PCDHGB2: variants seen among roughly 807,000 people sequenced by gnomAD.
PCDHGB2 encodes protocadherin gamma subfamily B, 2.
In PCDHGB2, 55 loss-of-function variants were observed where a neutral mutation model predicts 59.3. The ratio of observed to expected loss-of-function variants is 0.93; its 90% CI spans 0.75 to 1.16. The LOEUF is 1.16. PCDHGB2 is among the 50% of genes most tolerant of loss of function. PCDHGB2 has a pLI of 0.00. For synonymous variants in PCDHGB2, 516 were observed against 512.0 expected (o/e 1.01, Z -0.11); for missense variants, 1,228 against 1,198.5 (o/e 1.02, Z -0.36).
Position 141,477,286 on chromosome 5 carries a change from A to G in PCDHGB2, c.2422-17521A>G, listed in dbSNP as rs1367207950. 1.9e-6 allele frequency: 3 copies of G among 1,614,194 alleles called. No individual in the cohort carries two copies. Among genetic ancestry groups the G allele is most frequent in the Non-Finnish European group, 8.5e-7 (1 of 1,180,034 alleles). ...GCGAGAACGGGCTGGTGACCTGCGA[A>G]GTTCCACCGGGTCTCCCTTTCAGCC... On this transcript the variant is annotated intron_variant, in intron 1 of 3. Coordinates refer to ENST00000522605, the MANE Select transcript of PCDHGB2 (RefSeq NM_018923.3). The surrounding 1 kb of genome is among the most constrained non-coding windows in gnomAD (Gnocchi z 4.9).
intron 2 of PCDHGB2, among the ~76,000 whole-genome samples, chr5:141,505,007 C>T (rs1210694913): frequency 6.6e-6 from 1 of 152,050 alleles, no homozygotes; most frequent in Non-Finnish European, 1.5e-5. Flanking sequence ...ACTAAAAATA[C>T]AAAAATTAGC....
intron 1 of PCDHGB2, chr5:141,427,761 G>A (rs1228905550): frequency 3.7e-6 from 5 of 1,366,246 alleles, no homozygotes; most frequent in Non-Finnish European, 4.1e-6. Flanking sequence ...CGTTACCACT[G>A]ACTTGGAGCT....
At chr5:141,454,249 C>T (rs1215688507) in intron 1 of PCDHGB2, among the ~76,000 whole-genome samples, 3 of 152,192 alleles carry the variant, frequency 2.0e-5, no homozygotes, top group Non-Finnish European at 4.4e-5. Context: ...ATGAAGATGT[C>T]CCAGAGAAAG....
chr5:141,410,104 C>T, intron 1 of PCDHGB2: 1 of 1,612,582 alleles, frequency 6.2e-7, no homozygotes, highest in African/African-American at 1.3e-5. Context: ...CCTTAGGCGA[C>T]AGGGACGCAG....
At chr5:141,463,692 C>A (rs1482988660) in intron 1 of PCDHGB2, among the ~76,000 whole-genome samples, 2 of 151,934 alleles carry the variant, frequency 1.3e-5, no homozygotes, top group Non-Finnish European at 2.9e-5. Flanking sequence ...GTGATCTGCT[C>A]ACCTCGGCCT....
chr5:141,473,148 C>T (rs1381616255), intron 1 of PCDHGB2, among the ~76,000 whole-genome samples: 1 of 152,184 alleles, frequency 6.6e-6, no homozygotes, highest in Non-Finnish European at 1.5e-5. Flanking sequence ...CTCTTCAGAT[C>T]ACTAGGGCTA....
chr5:141,427,798 T>A, intron 1 of PCDHGB2: 1 of 1,506,550 alleles, frequency 6.6e-7, no homozygotes. Context: ...TACGTGTCCG[T>A]GAGCGCACAG....
intron 1 of PCDHGB2, chr5:141,395,463 C>G (rs1164636639): frequency 6.9e-6 from 4 of 582,400 alleles, no homozygotes; most frequent in African/African-American, 5.7e-5. Flanking sequence ...CCATTTTAAG[C>G]CTTCCAGTAT....
At chr5:141,412,100 C>G (rs1041242156) in intron 1 of PCDHGB2, 2 of 152,180 alleles carry the variant, frequency 1.3e-5, no homozygotes, top group Non-Finnish European at 2.9e-5. Context: ...TGGGCACACA[C>G]AGTTGAAGAT....
rs143779180 is a variant in PCDHGB2, at chr5:141,485,438, C to T, written c.2422-9369C>T. Reference sequence around the variant, plus strand: ...CAGCGGAGCCCTGCTCATCAAGAACCCAATCGACCGAGAGGCACTGTGTGG... The same window carrying T: ...CAGCGGAGCCCTGCTCATCAAGAACTCAATCGACCGAGAGGCACTGTGTGG... On this transcript the variant is annotated intron_variant, in intron 1 of 3. Transcript: ENST00000522605. This position sits in a 1 kb window ranked among gnomAD's most constrained non-coding sequence, Gnocchi z 5.7. 2.9e-5 allele frequency: 47 copies of T among 1,614,052 alleles called. No individual in the cohort carries two copies. The highest frequency in any genetic ancestry group is 4.0e-5 in the African/African-American group (3 of 74,924).
chr5:141,366,358 C>G (rs746214325), intron 1 of PCDHGB2: 8 of 1,614,016 alleles, frequency 5.0e-6, no homozygotes, highest in Non-Finnish European at 6.8e-6. Context: ...CTGACCTAGG[C>G]AGTATCAAGA....
intron 1 of PCDHGB2, among the ~76,000 whole-genome samples, chr5:141,444,885 T>C (rs547403761): frequency 6.6e-6 from 1 of 152,320 alleles, no homozygotes; most frequent in African/African-American, 2.4e-5. Flanking sequence ...TGTAGGATTT[T>C]TGAATGGGAT....
chr5:141,503,440 C>A (rs1185892958), intron 2 of PCDHGB2, among the ~76,000 whole-genome samples: 2 of 151,694 alleles, frequency 1.3e-5, no homozygotes, highest in African/African-American at 4.8e-5. Context: ...ACTAAAAATA[C>A]AAAAATTCGC....
At chr5:141,393,709 G>A (rs941272065) in intron 1 of PCDHGB2, 14 of 1,613,826 alleles carry the variant, frequency 8.7e-6, no homozygotes, top group Non-Finnish European at 9.3e-6. Context: ...GAAAATACTG[G>A]GGAAATATCA....
chr5:141,448,894 G>A (rs2098614669), intron 1 of PCDHGB2, among the ~76,000 whole-genome samples: 2 of 152,098 alleles, frequency 1.3e-5, no homozygotes, highest in South Asian at 4.1e-4. Context: ...GCAGTGAGCC[G>A]AGATCGTGCC....
rs1158395811 is a variant in PCDHGB2, at chr5:141,476,020, T to TCGGCGCC, written c.2422-18785_2422-18779dup. The stretch of plus-strand genomic sequence containing the variant: ...CGGCATCCAGAAAGCCATGTCGGAC[T>TCGGCGCC]CGGCGCCCAGCGCCCAAGCGCTAAC... On this transcript the variant is annotated intron_variant, in intron 1 of 3. Transcript: ENST00000522605. The surrounding 1 kb of genome is among the most constrained non-coding windows in gnomAD (Gnocchi z 7.6). 2.1e-6 allele frequency: 3 copies of TCGGCGCC among 1,398,716 alleles called. No homozygotes were observed. The African/African-American group carries it at 4.3e-5, about 20-fold the overall frequency. The allele number at this position is 1,398,716 out of a possible 1,614,324, so 86.6% of individuals were successfully genotyped here. A position where few individuals can be genotyped will look rare whatever the true frequency, so the allele number is the denominator to read the frequency against.
intron 1 of PCDHGB2, chr5:141,394,860 G>T: frequency 1.2e-6 from 2 of 1,613,792 alleles, no homozygotes; most frequent in Non-Finnish European, 1.7e-6. Context: ...GCCTTCGGTC[G>T]ACCCGAACGA....
In PCDHGB2 at chr5:141,362,281, C is replaced by A; in HGVS notation, c.2146C>A (p.Arg716=). 2.5e-6 allele frequency: 4 copies of A among 1,614,016 alleles called. No homozygotes were observed. The highest frequency in any genetic ancestry group is 3.4e-6 in the Non-Finnish European group (4 of 1,179,886). Residue 716 remains arginine, a synonymous_variant, in exon 1 of 4, where the codon CGA becomes AGA. Transcript: ENST00000522605. ...AVILAISLRL[R]LSSRSDAWDC... is the part of the protein sequence containing the mutation. ...GATTCTGGCAATCTCCCTGCGCCTG[C>A]GACTCTCTTCCAGGTCAGATGCTTG...
At chr5:141,465,241 G>C (rs2099099198) in intron 1 of PCDHGB2, among the ~76,000 whole-genome samples, 1 of 151,964 alleles carries the variant, frequency 6.6e-6, no homozygotes, top group South Asian at 2.1e-4. Flanking sequence ...CAAGTTCAAG[G>C]CACTTTTGTA....
Sources: allele counts gnomAD v4.1 joint callset (sites outside exome capture counted in the v4.1 genomes callset), GRCh38; gene constraint gnomAD v4.1.1; non-coding constraint Gnocchi (gnomAD v3.1); transcripts MANE v1.5; gene names NCBI Gene and HGNC (gene_info 2026-07-23, HGNC 2026-07-21).